The following RBL2 variants were observed in gnomAD, a reference collection of about 807,000 sequenced individuals.
The protein encoded by RBL2 is RB transcriptional corepressor like 2.
RBL2 carries 56 observed loss-of-function variants against 126.0 expected under a neutral mutation model. The ratio of observed to expected loss-of-function variants is 0.44; its 90% CI spans 0.36 to 0.56. RBL2 has a LOEUF of 0.56. RBL2 is among the 20% of genes least tolerant of loss of function. The pLI is 0.00. For missense variants in RBL2, 1,229 were observed against 1,398.2 expected (o/e 0.88, Z 1.93); for synonymous variants, 454 against 478.5 (o/e 0.95, Z 0.67).
At chr16:53,442,286 A>G (rs1261154277) in intron 2 of RBL2, among the ~76,000 whole-genome samples, 1 of 152,178 alleles carries the variant, frequency 6.6e-6, no homozygotes, top group African/African-American at 2.4e-5. Context: ...AACATGGGTG[A>G]TAGAACGAAA....
chr16:53,481,563 C>T, intron 20 of RBL2, 108 bp from the exon 21 acceptor site: 1 of 1,009,638 alleles, frequency 9.9e-7, no homozygotes. Flanking sequence ...ATCACTCTGT[C>T]ATTCATAAAA....
intron 14 of RBL2, among the ~76,000 whole-genome samples, chr16:53,468,503 G>A (rs759029530): frequency 7.2e-5 from 11 of 152,142 alleles, no homozygotes; most frequent in East Asian, 1.9e-4. Context: ...AGAATTTTCC[G>A]TTCCCTAATC....
At position 53,470,731 on chromosome 16, in the gene RBL2, GT is replaced by G; in HGVS notation, c.2527-10del. 1 of 1,612,858 alleles carries G rather than the reference GT, an allele frequency of 6.2e-7. No individual in the cohort carries two copies. Among genetic ancestry groups the G allele is most frequent in the Non-Finnish European group, 8.5e-7 (1 of 1,179,386 alleles). On this transcript the variant is annotated splice_polypyrimidine_tract_variant and intron_variant, in intron 16 of 21. Coordinates refer to ENST00000262133, the MANE Select transcript of RBL2 (RefSeq NM_005611.4). ...ACAAGTGTTAAACAAAGTTTGAAAT[GT>G]TTTTATCTCCTAGGTATACCATTTA...
intron 10 of RBL2, among the ~76,000 whole-genome samples, chr16:53,462,320 T>C (rs1167708114): frequency 6.6e-6 from 1 of 152,208 alleles, no homozygotes; most frequent in African/African-American, 2.4e-5. Context: ...TTAAATGATA[T>C]TACAGTTCCT....
intron 3 of RBL2, among the ~76,000 whole-genome samples, chr16:53,445,342 AAAG>A (rs1425497407): frequency 2.0e-5 from 3 of 152,024 alleles, no homozygotes; most frequent in Non-Finnish European, 2.9e-5. Context: ...AAAAAAAAAA[AAAG>A]TAAATCACTT....
intron 21 of RBL2, among the ~76,000 whole-genome samples, chr16:53,487,255 TGGA>T (rs1488932366): frequency 6.6e-6 from 1 of 152,182 alleles, no homozygotes; most frequent in Non-Finnish European, 1.5e-5. Flanking sequence ...AATTCAAAGG[TGGA>T]GGATTCACAC....
At chr16:53,434,898 C>G (rs1739958045) in intron 1 of RBL2, 102 bp downstream of exon 1, 2 of 1,384,984 alleles carry the variant, frequency 1.4e-6, no homozygotes, top group Admixed American at 3.1e-5. Flanking sequence ...GGGTTGCGGG[C>G]TCCCAGCCCC....
chr16:53,455,048 A>G (rs1312162924), intron 8 of RBL2, among the ~76,000 whole-genome samples: 1 of 152,228 alleles, frequency 6.6e-6, no homozygotes, highest in Non-Finnish European at 1.5e-5. Flanking sequence ...GAGGTCTGAG[A>G]AAAAGAAATT....
chr16:53,466,946 T>C, intron 13 of RBL2, 112 bp from the exon 14 acceptor site: 1 of 779,236 alleles, frequency 1.3e-6, no homozygotes, highest in Non-Finnish European at 2.0e-6. Context: ...ACAGCTGATT[T>C]TATTTAGATG....
At chr16:53,447,862 C>G (rs1458601499) in intron 4 of RBL2, among the ~76,000 whole-genome samples, 2 of 152,116 alleles carry the variant, frequency 1.3e-5, no homozygotes, top group Non-Finnish European at 2.9e-5. Flanking sequence ...CCAGGCTGGT[C>G]TCAAACTCCT....
intron 11 of RBL2, among the ~76,000 whole-genome samples, chr16:53,463,310 C>T (rs1015659452): frequency 1.2e-4 from 18 of 152,106 alleles, no homozygotes; most frequent in Non-Finnish European, 1.3e-4. Flanking sequence ...CAGTCACCTG[C>T]CTGCCTGCCT....
intron 8 of RBL2, 137 bp downstream of exon 8, chr16:53,454,979 T>C: frequency 1.6e-6 from 1 of 633,158 alleles, no homozygotes; most frequent in Non-Finnish European, 2.5e-6. Context: ...CTTCTCTTAA[T>C]TGAAAAAGGT....
intron 2 of RBL2, among the ~76,000 whole-genome samples, chr16:53,441,713 CAT>C (rs997788215): frequency 3.1e-4 from 47 of 152,032 alleles, no homozygotes; most frequent in African/African-American, 1.1e-3. Flanking sequence ...AGTGTGAAAA[CAT>C]AGGAAGGATT....
intron 14 of RBL2, among the ~76,000 whole-genome samples, chr16:53,467,635 A>G (rs752478307): frequency 2.6e-4 from 40 of 152,126 alleles, no homozygotes; most frequent in Non-Finnish European, 4.3e-4. Context: ...TGATCCGCCT[A>G]CCTCGTTCTC....
At chr16:53,451,932 C>T in intron 5 of RBL2, 101 bp downstream of exon 5, 1 of 1,331,334 alleles carries the variant, frequency 7.5e-7, no homozygotes, top group African/African-American at 1.5e-5. Flanking sequence ...TTGAAGAGCT[C>T]CTGTCATTAC....
intron 1 of RBL2, chr16:53,435,664 CA>C: frequency 7.8e-7 from 1 of 1,288,652 alleles, no homozygotes; most frequent in African/African-American, 1.5e-5. Context: ...AACCTGAGGC[CA>C]TTTGATTTCT....
Position 53,481,588 on chromosome 16 carries a change from C to T in RBL2, c.3085-83C>T, listed in dbSNP as rs565151004. 1.6e-5 allele frequency: 20 copies of T among 1,236,966 alleles called. No homozygotes were observed. In the East Asian group the frequency reaches 4.1e-4, roughly 25 times the overall value. The allele number at this position is 1,236,966 out of a possible 1,614,324, so 76.6% of individuals were successfully genotyped here. On this transcript the variant is annotated intron_variant, in intron 20 of 21. Transcript: ENST00000262133. Reference sequence around the variant, plus strand: ...CATTCATAAAACTACTGGTTTAGCACACCTCTTCACTCAATAATCATTTTC... The same window carrying T: ...CATTCATAAAACTACTGGTTTAGCATACCTCTTCACTCAATAATCATTTTC...
Position 53,470,363 on chromosome 16 carries a change from C to G in RBL2, c.2246-20C>G. 6.2e-7 allele frequency: 1 copy of G among 1,603,920 alleles called. No individual in the cohort carries two copies. The highest frequency in any genetic ancestry group is 1.1e-5 in the South Asian group (1 of 90,764). ...TCTTATTATCAACATTTTCTTCATGCTTTTTTTCTCTGTCACTAGGTATTG... is the reference window on the plus strand; with the variant it reads ...TCTTATTATCAACATTTTCTTCATGGTTTTTTTCTCTGTCACTAGGTATTG... On this transcript the variant is annotated intron_variant, in intron 15 of 21. Coordinates refer to ENST00000262133, the MANE Select transcript of RBL2 (RefSeq NM_005611.4).
At chr16:53,445,558 A>T (rs2058054539) in intron 3 of RBL2, among the ~76,000 whole-genome samples, 1 of 152,136 alleles carries the variant, frequency 6.6e-6, no homozygotes, top group South Asian at 2.1e-4. Flanking sequence ...AGCCGCAGAG[A>T]GGTTAAGTAA....
Sources: gnomAD v4.1 joint callset for allele counts (sites outside exome capture counted in the v4.1 genomes callset) on GRCh38, gnomAD v4.1.1 for gene constraint, MANE v1.5 for transcripts, NCBI Gene and HGNC (gene_info 2026-07-23, HGNC 2026-07-21) for gene names.